Variants in THSD4 observed in about 807,000 individuals in gnomAD.
THSD4 encodes thrombospondin type 1 domain containing 4.
In THSD4, 69 loss-of-function variants were observed where a neutral mutation model predicts 119.0. That is an observed-to-expected ratio of 0.58 (90% CI 0.48 to 0.71). THSD4 has a LOEUF of 0.71. Among genes scored for constraint, THSD4 ranks in the 30% least tolerant of loss-of-function variants. The probability of loss-of-function intolerance (pLI) is 0.00; values close to 1 mark genes in which losing one functional copy is unlikely to be tolerated. For synonymous variants in THSD4, 524 were observed against 540.4 expected (o/e 0.97, Z 0.42); for missense variants, 1,393 against 1,391.1 (o/e 1.00, Z -0.02).
chr15:71,432,702 A>G (rs2046958433), intron 7 of THSD4, among the ~76,000 whole-genome samples: 1 of 152,100 alleles, frequency 6.6e-6, no homozygotes, highest in Admixed American at 6.5e-5. Flanking sequence ...CTTTGACCAC[A>G]TATGATACAA....
intron 6 of THSD4, among the ~76,000 whole-genome samples, chr15:71,313,148 A>G (rs1274160931): frequency 4.6e-5 from 7 of 152,182 alleles, no homozygotes; most frequent in African/African-American, 1.4e-4. Flanking sequence ...GTATGGACCC[A>G]TGGATATTTA....
intron 7 of THSD4, among the ~76,000 whole-genome samples, chr15:71,496,228 G>A (rs1405627763): frequency 6.6e-6 from 1 of 152,124 alleles, no homozygotes; most frequent in Non-Finnish European, 1.5e-5. Flanking sequence ...GCATGCTAAT[G>A]TTTCTTCATG....
At chr15:71,638,702 G>A (rs2050797878) in intron 7 of THSD4, among the ~76,000 whole-genome samples, 1 of 152,148 alleles carries the variant, frequency 6.6e-6, no homozygotes, top group African/African-American at 2.4e-5. Flanking sequence ...TTATAAATTA[G>A]TATGGTTTAG....
At chr15:71,465,883 G>A (rs904012163) in intron 7 of THSD4, among the ~76,000 whole-genome samples, 19 of 152,200 alleles carry the variant, frequency 1.2e-4, no homozygotes, top group Non-Finnish European at 2.9e-5. Flanking sequence ...TCCATGGGGG[G>A]TAGGTCCTGA....
At chr15:71,346,008 T>C (rs1195976228) in intron 6 of THSD4, among the ~76,000 whole-genome samples, 2 of 152,160 alleles carry the variant, frequency 1.3e-5, no homozygotes, top group Admixed American at 1.3e-4. Context: ...ATTGATATAT[T>C]GCTACCACCC....
intron 7 of THSD4, among the ~76,000 whole-genome samples, chr15:71,517,501 G>A (rs2048378034): frequency 6.6e-6 from 1 of 152,060 alleles, no homozygotes; most frequent in South Asian, 2.1e-4. Context: ...AGTATATTTG[G>A]ATTTTGTTTT....
intron 7 of THSD4, among the ~76,000 whole-genome samples, chr15:71,529,262 G>T (rs913023837): frequency 6.6e-6 from 1 of 152,192 alleles, no homozygotes; most frequent in Non-Finnish European, 1.5e-5. Context: ...GTTAAGCCAT[G>T]GAGGAGTTGT....
chr15:71,545,804 A>G (rs1229004966), intron 7 of THSD4, among the ~76,000 whole-genome samples: 1 of 152,290 alleles, frequency 6.6e-6, no homozygotes, highest in African/African-American at 2.4e-5. Flanking sequence ...GTAAAAAGGA[A>G]TGAAAGTTCT....
intron 7 of THSD4, among the ~76,000 whole-genome samples, chr15:71,615,022 A>G (rs943939143): frequency 2.0e-5 from 3 of 152,160 alleles, no homozygotes; most frequent in Admixed American, 6.5e-5. Flanking sequence ...CTATCAAACT[A>G]CTGCCCAATT....
chr15:71,411,844 G>T (rs758202963), intron 7 of THSD4, 21 bp downstream of exon 7: 1 of 1,613,458 alleles, frequency 6.2e-7, no homozygotes, highest in Admixed American at 1.7e-5. Flanking sequence ...CCGAACTGGG[G>T]TGAATTCTTA....
chr15:71,434,553 TA>T (rs1314290125), intron 7 of THSD4, among the ~76,000 whole-genome samples: 1 of 147,338 alleles, frequency 6.8e-6, no homozygotes, highest in African/African-American at 2.5e-5. Context: ...GGGGCAAAAG[TA>T]GTTGGAAGAA....
chr15:71,207,412 C>T (rs1328758503), intron 3 of THSD4, among the ~76,000 whole-genome samples: 1 of 152,258 alleles, frequency 6.6e-6, no homozygotes, highest in Non-Finnish European at 1.5e-5. Flanking sequence ...CTCCCTCTTC[C>T]AGCCTTTGCT....
chr15:71,481,881 G>T (rs1334427896), intron 7 of THSD4, among the ~76,000 whole-genome samples: 1 of 152,078 alleles, frequency 6.6e-6, no homozygotes, highest in Non-Finnish European at 1.5e-5. Context: ...TATTGAAAAG[G>T]CAGGGATTCT....
chr15:71,309,095 G>A (rs1422611297), intron 6 of THSD4, among the ~76,000 whole-genome samples: 5 of 152,058 alleles, frequency 3.3e-5, no homozygotes, highest in Admixed American at 2.0e-4. Context: ...GATTACAGGC[G>A]CATGCCACCA....
At chr15:71,586,079 T>C (rs1322332406) in intron 7 of THSD4, among the ~76,000 whole-genome samples, 3 of 152,202 alleles carry the variant, frequency 2.0e-5, no homozygotes, top group Non-Finnish European at 4.4e-5. Flanking sequence ...CTCCATTTCT[T>C]TAGGGTTGGT....
intron 7 of THSD4, among the ~76,000 whole-genome samples, chr15:71,466,274 G>T (rs560400955): frequency 6.6e-6 from 1 of 151,928 alleles, no homozygotes; most frequent in African/African-American, 2.4e-5. Flanking sequence ...GAACCCAGGA[G>T]GCAGAGCTTG....
At chr15:71,574,303 C>A (rs1371832239) in intron 7 of THSD4, among the ~76,000 whole-genome samples, 2 of 152,118 alleles carry the variant, frequency 1.3e-5, no homozygotes, top group Non-Finnish European at 2.9e-5. Flanking sequence ...CTTGCAACAA[C>A]CCTGGTAGAT....
rs2046163188 is a variant in THSD4, at chr15:71,377,875, C to CACACACACACACACACACACAA, written c.1016-33791_1016-33790insAACACACACACACACACACACA. Among the ~76,000 whole-genome samples, 14 of 72,470 alleles carry CACACACACACACACACACACAA rather than the reference C, an allele frequency of 1.9e-4. 1 individual carries two copies. The highest frequency in any genetic ancestry group is 9.9e-4 in the South Asian group (2 of 2,016). The allele number at this position is 72,470 out of a possible 152,430, so 47.5% of individuals were successfully genotyped here. Reference sequence around the variant, plus strand: ...TTCCCGGACATATCCACAACACACACACACACACACACACACACACACACA... The same window carrying CACACACACACACACACACACAA: ...TTCCCGGACATATCCACAACACACACACACACACACACACACACACAAACACACACACACACACACACACACA... On this transcript the variant is annotated intron_variant, in intron 6 of 17. Transcript: ENST00000261862.
chr15:71,143,359 T>C (rs1183424040), intron 2 of THSD4, among the ~76,000 whole-genome samples: 1 of 152,096 alleles, frequency 6.6e-6, no homozygotes, highest in Non-Finnish European at 1.5e-5. Flanking sequence ...CAAAATACTG[T>C]TATAAAACTA....
Sources: gnomAD v4.1 joint callset for allele counts (sites outside exome capture counted in the v4.1 genomes callset) on GRCh38, gnomAD v4.1.1 for gene constraint, MANE v1.5 for transcripts, NCBI Gene and HGNC (gene_info 2026-07-23, HGNC 2026-07-21) for gene names.